PLPP4: variants seen among roughly 807,000 people sequenced by gnomAD.
The protein encoded by PLPP4 is diacylglycerol pyrophosphate like 2.
In PLPP4, 20 loss-of-function variants were observed where a neutral mutation model predicts 32.2. That is an observed-to-expected ratio of 0.62 (90% CI 0.44 to 0.90). PLPP4 has a LOEUF of 0.90. PLPP4 is among the 40% of genes least tolerant of loss of function. PLPP4 has a pLI of 0.00. For missense variants in PLPP4, 257 were observed against 353.1 expected (o/e 0.73, Z 2.18); for synonymous variants, 127 against 133.0 (o/e 0.95, Z 0.31).
chr10:120,475,988 T>C (rs892982800), intron 1 of PLPP4, among the ~76,000 whole-genome samples: 7 of 152,180 alleles, frequency 4.6e-5, no homozygotes, highest in Non-Finnish European at 7.3e-5. Context: ...CGGACATGCA[T>C]TGATTGGGTC....
Position 120,545,231 on chromosome 10 carries a change from G to A in PLPP4, c.445+24136G>A, listed in dbSNP as rs987345423. Among the ~76,000 whole-genome samples, 7 of 152,346 alleles carry A rather than the reference G, an allele frequency of 4.6e-5. No homozygotes were observed. The South Asian group carries it at 1.5e-3, about 32-fold the overall frequency. On this transcript the variant is annotated intron_variant, in intron 5 of 6. Coordinates refer to ENST00000398250, the MANE Select transcript of PLPP4 (RefSeq NM_001030059.3). ...CTCTTACCCTTTCCTGGTCCTTCAG[G>A]AAACTAAGTCCTGGGTGGAGGCCCA...
chr10:120,519,474 C>T (rs1022356643), intron 4 of PLPP4, among the ~76,000 whole-genome samples: 4 of 151,334 alleles, frequency 2.6e-5, no homozygotes, highest in East Asian at 3.9e-4. Context: ...CCTCTCAGAA[C>T]GTTAGGATTT....
intron 2 of PLPP4, among the ~76,000 whole-genome samples, chr10:120,508,600 T>C (rs1329969902): frequency 1.3e-5 from 2 of 152,198 alleles, no homozygotes; most frequent in Admixed American, 6.5e-5. Context: ...GTGTGGTGCA[T>C]GGTGCCTTAC....
chr10:120,493,927 G>A (rs77772193), intron 1 of PLPP4, among the ~76,000 whole-genome samples: 10,123 of 152,190 alleles, frequency 0.067, 392 homozygotes, highest in South Asian at 0.11. Context: ...GCTTTGTAGT[G>A]TATCAGGAGG....
At chr10:120,539,300 G>A (rs925694147) in intron 5 of PLPP4, among the ~76,000 whole-genome samples, 1 of 152,176 alleles carries the variant, frequency 6.6e-6, no homozygotes, top group Non-Finnish European at 1.5e-5. Context: ...AGGTCACTTG[G>A]AGTTAGGAAA....
intron 2 of PLPP4, among the ~76,000 whole-genome samples, chr10:120,511,938 C>T (rs963875350): frequency 6.6e-6 from 1 of 151,990 alleles, no homozygotes; most frequent in African/African-American, 2.4e-5. Context: ...TAAAAAAGTA[C>T]AAAAACTTAG....
chr10:120,580,096 C>T (rs903034221), intron 6 of PLPP4, among the ~76,000 whole-genome samples: 6 of 125,666 alleles, frequency 4.8e-5, no homozygotes, highest in Admixed American at 9.5e-5. Flanking sequence ...CTCCAGCCTG[C>T]GCGACAGAGC....
chr10:120,575,678 C>T (rs1849189444), intron 6 of PLPP4, among the ~76,000 whole-genome samples: 2 of 152,070 alleles, frequency 1.3e-5, no homozygotes, highest in Admixed American at 6.5e-5. Context: ...CTTATCAAAT[C>T]CAGCCTACAA....
chr10:120,506,179 A>G (rs1845480414), intron 2 of PLPP4, among the ~76,000 whole-genome samples: 1 of 152,250 alleles, frequency 6.6e-6, no homozygotes, highest in South Asian at 2.1e-4. Flanking sequence ...CATACCCTCT[A>G]TTCTAATGAA....
chr10:120,529,502 AT>A (rs1199101145), intron 5 of PLPP4, among the ~76,000 whole-genome samples: 2 of 151,332 alleles, frequency 1.3e-5, no homozygotes, highest in Non-Finnish European at 3.0e-5. Context: ...ATAGCTCACT[AT>A]TTGATTTCTA....
intron 1 of PLPP4, among the ~76,000 whole-genome samples, chr10:120,465,644 T>C (rs546386090): frequency 1.2e-4 from 19 of 152,322 alleles, no homozygotes; most frequent in African/African-American, 4.3e-4. Flanking sequence ...TTGCTGATAT[T>C]TGAGTGTTTT....
chr10:120,463,517 G>T (rs180698384), intron 1 of PLPP4, among the ~76,000 whole-genome samples: 15 of 152,292 alleles, frequency 9.8e-5, no homozygotes, highest in Admixed American at 9.8e-4. Flanking sequence ...TATTAGATAA[G>T]ATTAGATAAG....
intron 2 of PLPP4, among the ~76,000 whole-genome samples, chr10:120,513,175 C>T (rs554636692): frequency 5.3e-5 from 8 of 152,324 alleles, no homozygotes; most frequent in Admixed American, 2.0e-4. Flanking sequence ...ATCCTAGCCT[C>T]GCCCCTCTCC....
At chr10:120,556,515 C>G (rs1459289238) in intron 5 of PLPP4, among the ~76,000 whole-genome samples, 1 of 152,164 alleles carries the variant, frequency 6.6e-6, no homozygotes, top group African/African-American at 2.4e-5. Context: ...TCAAGTTTGT[C>G]ATTCATGATA....
intron 1 of PLPP4, among the ~76,000 whole-genome samples, chr10:120,477,019 C>T (rs765812940): frequency 1.3e-5 from 2 of 152,100 alleles, no homozygotes; most frequent in South Asian, 2.1e-4. Flanking sequence ...TATCTTAGTT[C>T]GCCATAATCT....
intron 3 of PLPP4, among the ~76,000 whole-genome samples, chr10:120,518,038 G>A (rs1589806185): frequency 6.6e-6 from 1 of 152,174 alleles, no homozygotes; most frequent in African/African-American, 2.4e-5. Flanking sequence ...CACATTGATG[G>A]TGATGACTCT....
intron 1 of PLPP4, 81 bp downstream of exon 1, chr10:120,457,442 T>G (rs1450615190): frequency 7.6e-7 from 1 of 1,322,558 alleles, no homozygotes; most frequent in Non-Finnish European, 1.0e-6. Context: ...TAACTTAGTT[T>G]GCGCAGCCGC....
chr10:120,574,168 ACTCTCTCTCTCTCTCTCTCTCT>A (rs58917160), intron 5 of PLPP4, among the ~76,000 whole-genome samples: 97 of 47,102 alleles, frequency 2.1e-3, no homozygotes, highest in East Asian at 7.9e-3. Flanking sequence ...ACACACACAC[ACTCTCTCTCTCTCTCTCTCTCT>A]CTCTCTCTCT....
intron 6 of PLPP4, chr10:120,580,984 C>A: frequency 7.8e-7 from 1 of 1,289,280 alleles, no homozygotes; most frequent in Non-Finnish European, 1.0e-6. Context: ...TGAACCTTGA[C>A]TGCCCATCTA....
Sources: gnomAD v4.1 joint callset for allele counts (sites outside exome capture counted in the v4.1 genomes callset) on GRCh38, gnomAD v4.1.1 for gene constraint, MANE v1.5 for transcripts, NCBI Gene and HGNC (gene_info 2026-07-23, HGNC 2026-07-21) for gene names.